KHDRBS3: variants seen among roughly 807,000 people sequenced by gnomAD.
The protein encoded by KHDRBS3 is KH RNA binding domain containing, signal transduction associated 3, also known as KH domain-containing, RNA-binding, signal transduction-associated protein 3.
KHDRBS3 carries 23 observed loss-of-function variants against 45.6 expected under a neutral mutation model. The observed-to-expected ratio is 0.50, with a 90% CI of 0.36 to 0.72. The LOEUF (loss-of-function observed/expected upper bound fraction) is 0.72. Ranked by LOEUF, KHDRBS3 falls within the 30% of genes least tolerant of loss-of-function variation. KHDRBS3 has a pLI of 0.00. For missense variants in KHDRBS3, 352 were observed against 424.8 expected (o/e 0.83, Z 1.51); for synonymous variants, 162 against 156.5 (o/e 1.04, Z -0.26).
At chr8:135,513,131 C>T (rs956915164) in intron 1 of KHDRBS3, among the ~76,000 whole-genome samples, 9 of 151,782 alleles carry the variant, frequency 5.9e-5, no homozygotes, top group Admixed American at 1.3e-4. Context: ...ACCCGGGAGG[C>T]GGAGCTTGCA....
chr8:135,618,131 T>G (rs1390829598), intron 7 of KHDRBS3, among the ~76,000 whole-genome samples: 1 of 152,234 alleles, frequency 6.6e-6, no homozygotes, highest in Non-Finnish European at 1.5e-5. Flanking sequence ...GAAGGTAATT[T>G]ATGAGTGTGC....
At chr8:135,463,962 G>A (rs58645090) in intron 1 of KHDRBS3, among the ~76,000 whole-genome samples, 10 of 152,100 alleles carry the variant, frequency 6.6e-5, no homozygotes, top group South Asian at 2.1e-4. Context: ...TCCCATCCCC[G>A]CAAGATCTTG....
intron 6 of KHDRBS3, among the ~76,000 whole-genome samples, chr8:135,603,107 C>A (rs909556197): frequency 2.0e-5 from 3 of 152,190 alleles, no homozygotes; most frequent in African/African-American, 7.2e-5. Flanking sequence ...TTTTCTCTTT[C>A]CTAACTGGGC....
intron 5 of KHDRBS3, among the ~76,000 whole-genome samples, chr8:135,575,282 C>T (rs917840033): frequency 6.6e-6 from 1 of 152,202 alleles, no homozygotes; most frequent in Non-Finnish European, 1.5e-5. Context: ...AATATTACGT[C>T]CTTCTCCTGC....
chr8:135,645,283 A>G (rs539840804), intron 8 of KHDRBS3, among the ~76,000 whole-genome samples, 166 bp downstream of exon 8: 2 of 152,306 alleles, frequency 1.3e-5, no homozygotes, highest in African/African-American at 4.8e-5. Context: ...TTTATTATAT[A>G]AATATTTGAA....
At chr8:135,469,435 C>G (rs1161299081) in intron 1 of KHDRBS3, among the ~76,000 whole-genome samples, 9 of 151,788 alleles carry the variant, frequency 5.9e-5, no homozygotes, top group African/African-American at 2.2e-4. Context: ...CTACAGGCGC[C>G]CGCCACCACG....
At chr8:135,638,326 C>A (rs1238742662) in intron 7 of KHDRBS3, among the ~76,000 whole-genome samples, 2 of 152,230 alleles carry the variant, frequency 1.3e-5, no homozygotes, top group East Asian at 3.9e-4. Context: ...GACCCAGGAG[C>A]CCCCAGAGAC....
chr8:135,515,858 C>G (rs1045492705), intron 1 of KHDRBS3, among the ~76,000 whole-genome samples: 22 of 152,212 alleles, frequency 1.4e-4, no homozygotes, highest in African/African-American at 4.3e-4. Flanking sequence ...TTTCTGTACC[C>G]TATCTACTTT....
intron 7 of KHDRBS3, among the ~76,000 whole-genome samples, chr8:135,636,967 A>G (rs751197823): frequency 2.6e-5 from 4 of 152,258 alleles, no homozygotes; most frequent in Admixed American, 6.5e-5. Context: ...TAGTCGTAGC[A>G]GTGGCATTGC....
rs189497824 is a variant in KHDRBS3 at position 135,581,805 on chromosome 8, G to T, written c.612-73G>T. 3.0e-5 allele frequency: 34 copies of T among 1,142,500 alleles called. No individual in the cohort carries two copies. In the African/African-American group the frequency reaches 4.2e-4, roughly 14 times the overall value. The allele number at this position is 1,142,500 out of a possible 1,614,324, so 70.8% of individuals were successfully genotyped here. ...ATAGAACATTGATTTTGTTTCTGAG[G>T]TATAAATATATGTGAATAACAGAAT... On this transcript the variant is annotated intron_variant, in intron 5 of 8. Coordinates refer to ENST00000355849, the MANE Select transcript of KHDRBS3 (RefSeq NM_006558.3).
At chr8:135,606,668 T>TA (rs1829478769) in intron 6 of KHDRBS3, among the ~76,000 whole-genome samples, 1 of 151,986 alleles carries the variant, frequency 6.6e-6, no homozygotes, top group South Asian at 2.1e-4. Flanking sequence ...TTCAGCCATT[T>TA]AAAAAAAAGA....
chr8:135,634,887 G>T (rs151048476), intron 7 of KHDRBS3, among the ~76,000 whole-genome samples: 1 of 152,172 alleles, frequency 6.6e-6, no homozygotes, highest in East Asian at 1.9e-4. Flanking sequence ...TCAGGCAAGC[G>T]TAATGCTCAC....
intron 1 of KHDRBS3, among the ~76,000 whole-genome samples, chr8:135,495,299 T>G (rs1201477879): frequency 6.6e-6 from 1 of 152,366 alleles, no homozygotes; most frequent in Admixed American, 6.5e-5. Flanking sequence ...AACTCTCTGA[T>G]GAGCTCAAAA....
intron 7 of KHDRBS3, among the ~76,000 whole-genome samples, chr8:135,634,977 T>C (rs1392232559): frequency 1.3e-5 from 2 of 152,246 alleles, no homozygotes; most frequent in Non-Finnish European, 2.9e-5. Flanking sequence ...ACAATCCCTG[T>C]ATACTTCATA....
At chr8:135,583,104 T>C (rs965422234) in intron 6 of KHDRBS3, among the ~76,000 whole-genome samples, 2 of 152,058 alleles carry the variant, frequency 1.3e-5, no homozygotes, top group Non-Finnish European at 2.9e-5. Context: ...GGTCAATCAT[T>C]GCTAGGGAAA....
rs1463958240 is a variant in KHDRBS3, at chr8:135,542,784, T to C, written c.324+14T>C. 29 of 1,519,458 alleles carry C rather than the reference T, an allele frequency of 1.9e-5. No homozygotes were observed. The highest frequency in any genetic ancestry group is 2.6e-5 in the Non-Finnish European group (28 of 1,095,618). The allele number at this position is 1,519,458 out of a possible 1,614,324, so 94.1% of individuals were successfully genotyped here. Reference sequence around the variant, plus strand: ...GACAAGGCCAAGGTAATATTAATTATAGAAAACGGCTAAGTTGTGTATCAT... The same window carrying C: ...GACAAGGCCAAGGTAATATTAATTACAGAAAACGGCTAAGTTGTGTATCAT... On this transcript the variant is annotated intron_variant, in intron 3 of 8. Transcript: ENST00000355849.
intron 1 of KHDRBS3, among the ~76,000 whole-genome samples, chr8:135,459,767 G>T (rs1439225531): frequency 1.3e-5 from 2 of 152,182 alleles, no homozygotes; most frequent in Non-Finnish European, 2.9e-5. Context: ...TTGCTAAAAC[G>T]TCCAAAATTC....
rs553537201 is a variant in KHDRBS3 at position 135,552,685 on chromosome 8, T to C, written c.471+3785T>C. ...ATTTTTTTGTCTTCTATTTCTTTAA[T>C]AATTTAGTTGGAATAAATTTGCAGC... On this transcript the variant is annotated intron_variant, in intron 4 of 8. Coordinates refer to ENST00000355849, the MANE Select transcript of KHDRBS3 (RefSeq NM_006558.3). 7.2e-5 allele frequency among the ~76,000 whole-genome samples: 11 copies of C among 152,334 alleles called. 1 individual carries two copies. The South Asian group carries it at 2.3e-3, about 32-fold the overall frequency.
At chr8:135,621,251 C>G (rs1483742841) in intron 7 of KHDRBS3, among the ~76,000 whole-genome samples, 1 of 152,008 alleles carries the variant, frequency 6.6e-6, no homozygotes, top group Admixed American at 6.6e-5. Context: ...GATAAGCAGC[C>G]AAAGGTTGAG....
Sources: gnomAD v4.1 joint callset for allele counts (sites outside exome capture counted in the v4.1 genomes callset) on GRCh38, gnomAD v4.1.1 for gene constraint, MANE v1.5 for transcripts, NCBI Gene and HGNC (gene_info 2026-07-23, HGNC 2026-07-21) for gene names.